PDGFD: variants seen among roughly 807,000 people sequenced by gnomAD.
The protein encoded by PDGFD is platelet derived growth factor D.
In PDGFD, 30 loss-of-function variants were observed where a neutral mutation model predicts 44.7. That is an observed-to-expected ratio of 0.67 (90% CI 0.50 to 0.91). The LOEUF (loss-of-function observed/expected upper bound fraction) is 0.91, where lower values mean the gene tolerates loss of function less well. Ranked by LOEUF, PDGFD falls within the 40% of genes least tolerant of loss-of-function variation. The probability of loss-of-function intolerance (pLI) is 0.00; values close to 1 mark genes in which losing one functional copy is unlikely to be tolerated. For missense variants in PDGFD, 445 were observed against 457.8 expected (o/e 0.97, Z 0.25); for synonymous variants, 173 against 168.4 (o/e 1.03, Z -0.21).
chr11:104,091,908 G>A (rs183863037), intron 1 of PDGFD, among the ~76,000 whole-genome samples: 32 of 152,190 alleles, frequency 2.1e-4, no homozygotes, highest in Non-Finnish European at 2.6e-4. Context: ...AATCTGGCTG[G>A]CAATAAAGGA....
At chr11:103,959,822 C>G (rs974181424) in intron 3 of PDGFD, among the ~76,000 whole-genome samples, 2 of 152,186 alleles carry the variant, frequency 1.3e-5, no homozygotes, top group Non-Finnish European at 1.5e-5. Flanking sequence ...CTTCATCCCT[C>G]CAAGTAAACA....
intron 3 of PDGFD, among the ~76,000 whole-genome samples, chr11:103,956,000 A>C (rs1334704813): frequency 2.0e-5 from 3 of 151,842 alleles, no homozygotes; most frequent in African/African-American, 7.3e-5. Context: ...TTCTTCCTAC[A>C]TTATGAGAAA....
intron 1 of PDGFD, among the ~76,000 whole-genome samples, chr11:104,086,059 G>A (rs1002580386): frequency 3.9e-5 from 6 of 152,138 alleles, no homozygotes; most frequent in Admixed American, 3.3e-4. Flanking sequence ...GAAAGATCGC[G>A]CCTCTGACTT....
intron 5 of PDGFD, among the ~76,000 whole-genome samples, chr11:103,940,142 A>G (rs928648987): frequency 6.6e-6 from 1 of 152,092 alleles, no homozygotes; most frequent in Non-Finnish European, 1.5e-5. Flanking sequence ...CAAAAAGCTC[A>G]CTTACCACCT....
At chr11:104,094,579 A>C (rs1466265257) in intron 1 of PDGFD, among the ~76,000 whole-genome samples, 1 of 151,894 alleles carries the variant, frequency 6.6e-6, no homozygotes, top group East Asian at 1.9e-4. Context: ...TGCCCAGGAC[A>C]AAAAAAATTA....
At chr11:104,097,512 G>A (rs1490625343) in intron 1 of PDGFD, among the ~76,000 whole-genome samples, 1 of 152,126 alleles carries the variant, frequency 6.6e-6, no homozygotes, top group Non-Finnish European at 1.5e-5. Flanking sequence ...TGAGCATCTA[G>A]AACAATGCCT....
chr11:103,965,410 T>C (rs1421086224), intron 3 of PDGFD, among the ~76,000 whole-genome samples: 1 of 152,164 alleles, frequency 6.6e-6, no homozygotes, highest in Non-Finnish European at 1.5e-5. Context: ...TCATCAAAAG[T>C]GGTCAGCCAG....
At chr11:104,075,744 T>C (rs1025301327) in intron 1 of PDGFD, among the ~76,000 whole-genome samples, 3 of 152,190 alleles carry the variant, frequency 2.0e-5, no homozygotes, top group Non-Finnish European at 4.4e-5. Flanking sequence ...TTACCCCTGG[T>C]ATCTGTCTCT....
chr11:104,027,929 G>A (rs907072016), intron 1 of PDGFD, among the ~76,000 whole-genome samples: 4 of 152,098 alleles, frequency 2.6e-5, no homozygotes, highest in East Asian at 1.9e-4. Flanking sequence ...GGTGGCTCAC[G>A]CTTGTAATCT....
At chr11:104,019,828 A>C (rs114820797) in intron 1 of PDGFD, among the ~76,000 whole-genome samples, 14,778 of 152,150 alleles carry the variant, frequency 0.097, 809 homozygotes, top group African/African-American at 0.16. Context: ...TTTAAAAATA[A>C]AAATGTGTTT....
At chr11:103,917,698 T>C (rs981533511) in intron 6 of PDGFD, among the ~76,000 whole-genome samples, 38 of 152,168 alleles carry the variant, frequency 2.5e-4, no homozygotes, top group African/African-American at 8.4e-4. Context: ...AAGTACCTTG[T>C]CCAGGGTCTT....
intron 3 of PDGFD, among the ~76,000 whole-genome samples, chr11:103,992,591 G>A (rs969773095): frequency 2.0e-5 from 3 of 152,190 alleles, no homozygotes; most frequent in Admixed American, 2.0e-4. Context: ...TTTATGGTAA[G>A]GCACTGGTCC....
At chr11:104,039,314 A>C (rs574403739) in intron 1 of PDGFD, 1 of 157,092 alleles carries the variant, frequency 6.4e-6, no homozygotes, top group South Asian at 2.1e-4. Context: ...TTCAAGCACT[A>C]AAACCTCATT....
intron 1 of PDGFD, among the ~76,000 whole-genome samples, chr11:104,004,472 T>C (rs1226505868): frequency 6.6e-6 from 1 of 152,184 alleles, no homozygotes. Context: ...ATGCAAACAG[T>C]ACATCATTTT....
intron 1 of PDGFD, among the ~76,000 whole-genome samples, chr11:104,048,002 A>C (rs1281704319): frequency 6.6e-6 from 1 of 152,128 alleles, no homozygotes; most frequent in African/African-American, 2.4e-5. Flanking sequence ...TCAGTCTCCC[A>C]AAATACAAAT....
chr11:104,119,853 AATTAT>A (rs1392588965), intron 1 of PDGFD, among the ~76,000 whole-genome samples: 2 of 98,652 alleles, frequency 2.0e-5, no homozygotes, highest in Non-Finnish European at 3.8e-5. Context: ...TATATTATAT[AATTAT>A]ATTATATATA....
chr11:104,097,879 A>G (rs79133834), intron 1 of PDGFD, among the ~76,000 whole-genome samples: 18,155 of 152,136 alleles, frequency 0.12, 1,194 homozygotes, highest in East Asian at 0.19. Context: ...CTTAAGCACA[A>G]ATCATTTTTA....
intron 5 of PDGFD, among the ~76,000 whole-genome samples, chr11:103,933,246 G>T (rs1858434552): frequency 6.6e-6 from 1 of 152,076 alleles, no homozygotes; most frequent in Non-Finnish European, 1.5e-5. Context: ...AAACAACCAG[G>T]GGCTCTCAGC....
chr11:104,107,490 G>C (rs1290892570), intron 1 of PDGFD, among the ~76,000 whole-genome samples: 1 of 152,114 alleles, frequency 6.6e-6, no homozygotes, highest in Admixed American at 6.6e-5. Flanking sequence ...AACTGTGCCT[G>C]GATTTCTGAG....
Sources: allele counts gnomAD v4.1 joint callset (sites outside exome capture counted in the v4.1 genomes callset), GRCh38; gene constraint gnomAD v4.1.1; transcripts MANE v1.5; gene names NCBI Gene and HGNC (gene_info 2026-07-23, HGNC 2026-07-21).